The following SNTB1 variants were observed in gnomAD, a reference collection of about 807,000 sequenced individuals.
SNTB1 encodes beta-1-syntrophin.
In SNTB1, 36 loss-of-function variants were observed where a neutral mutation model predicts 48.9. That is an observed-to-expected ratio of 0.74 (90% CI 0.56 to 0.97). SNTB1 has a LOEUF of 0.97. Ranked by LOEUF, SNTB1 falls within the 50% of genes least tolerant of loss-of-function variation. The pLI is 0.00. For synonymous variants in SNTB1, 299 were observed against 294.6 expected (o/e 1.01, Z -0.15); for missense variants, 786 against 703.4 (o/e 1.12, Z -1.33).
intron 1 of SNTB1, among the ~76,000 whole-genome samples, chr8:120,805,475 G>A (rs1820320490): frequency 6.6e-6 from 1 of 152,020 alleles, no homozygotes; most frequent in Non-Finnish European, 1.5e-5. Flanking sequence ...CGCCATTGCA[G>A]GCTTTCAAAA....
intron 3 of SNTB1, among the ~76,000 whole-genome samples, chr8:120,576,694 C>G (rs1016900130): frequency 1.3e-5 from 2 of 152,124 alleles, no homozygotes; most frequent in Non-Finnish European, 2.9e-5. Flanking sequence ...TTTGTGTTAC[C>G]CAGTTTACTA....
intron 2 of SNTB1, among the ~76,000 whole-genome samples, chr8:120,648,890 T>G (rs1193280072): frequency 6.6e-6 from 1 of 152,084 alleles, no homozygotes; most frequent in East Asian, 1.9e-4. Context: ...TTCTCTAAAC[T>G]TCCCTTCTTG....
At chr8:120,787,420 A>T (rs939656652) in intron 1 of SNTB1, among the ~76,000 whole-genome samples, 2 of 152,142 alleles carry the variant, frequency 1.3e-5, no homozygotes, top group Non-Finnish European at 2.9e-5. Flanking sequence ...CAAAAGGTTG[A>T]TTATTAAGTC....
chr8:120,776,003 G>A (rs796621129), intron 1 of SNTB1, among the ~76,000 whole-genome samples: 28 of 152,300 alleles, frequency 1.8e-4, no homozygotes, highest in African/African-American at 6.3e-4. Flanking sequence ...CTGTAAACTA[G>A]TTCAACCATT....
intron 2 of SNTB1, among the ~76,000 whole-genome samples, chr8:120,641,737 A>C (rs944024600): frequency 2.0e-5 from 3 of 152,260 alleles, no homozygotes; most frequent in Non-Finnish European, 4.4e-5. Context: ...ACTGTCACTC[A>C]GATCAAGAAA....
chr8:120,541,778 A>G, intron 6 of SNTB1, 32 bp downstream of exon 6: 1 of 1,496,442 alleles, frequency 6.7e-7, no homozygotes, highest in East Asian at 2.3e-5. Context: ...TTAATATATG[A>G]AATCACACTG....
At chr8:120,734,358 G>A (rs1249254274) in intron 1 of SNTB1, among the ~76,000 whole-genome samples, 1 of 150,966 alleles carries the variant, frequency 6.6e-6, no homozygotes, top group Non-Finnish European at 1.5e-5. Context: ...GAGGCAGGAG[G>A]ATTGCTTGAA....
chr8:120,577,256 C>T (rs915290481), intron 3 of SNTB1, among the ~76,000 whole-genome samples: 2 of 152,180 alleles, frequency 1.3e-5, no homozygotes, highest in African/African-American at 4.8e-5. Flanking sequence ...AGTGCCCTCC[C>T]CGACTCCGCT....
chr8:120,685,832 C>T (rs1818021589), intron 2 of SNTB1, among the ~76,000 whole-genome samples: 1 of 152,168 alleles, frequency 6.6e-6, no homozygotes, highest in African/African-American at 2.4e-5. Flanking sequence ...AGAAGCCATG[C>T]CACACCCTCA....
intron 1 of SNTB1, among the ~76,000 whole-genome samples, chr8:120,808,910 A>G (rs907986084): frequency 2.6e-5 from 4 of 152,246 alleles, no homozygotes; most frequent in African/African-American, 9.6e-5. Flanking sequence ...TTTAAAAAAA[A>G]GGGTGCACTT....
At chr8:120,621,854 C>G (rs920057970) in intron 3 of SNTB1, among the ~76,000 whole-genome samples, 13 of 152,052 alleles carry the variant, frequency 8.5e-5, no homozygotes, top group Non-Finnish European at 1.6e-4. Context: ...AGACCAAGTG[C>G]CTGGGTTTCC....
rs112561790 is a variant in SNTB1 at position 120,722,992 on chromosome 8, T to C, written c.572-29084A>G. ...GGTTTCTACATATGGCTAGACAGTTTTCCCAGCATCATTTATTTAATAGGG... is the reference window on the plus strand; with the variant it reads ...GGTTTCTACATATGGCTAGACAGTTCTCCCAGCATCATTTATTTAATAGGG... On this transcript the variant is annotated intron_variant, in intron 1 of 6. Coordinates refer to ENST00000517992, the MANE Select transcript of SNTB1 (RefSeq NM_021021.4). 2.4e-3 allele frequency among the ~76,000 whole-genome samples: 361 copies of C among 152,294 alleles called. 4 individuals are homozygous for C. The highest frequency in any genetic ancestry group is 5.0e-3 in the South Asian group (24 of 4,828).
chr8:120,673,768 T>G (rs1320627813), intron 2 of SNTB1, among the ~76,000 whole-genome samples: 2 of 151,938 alleles, frequency 1.3e-5, no homozygotes, highest in East Asian at 3.9e-4. Flanking sequence ...CCAACCCCCA[T>G]GCCAACCTCT....
At position 120,811,513 on chromosome 8, in the gene SNTB1, G is replaced by C. The variant is rs769895413; in HGVS notation, c.331C>G (p.Arg111Gly). 3 of 1,613,202 alleles carry C rather than the reference G, an allele frequency of 1.9e-6. No homozygotes were observed. Among genetic ancestry groups the C allele is most frequent in the South Asian group, 1.1e-5 (1 of 90,958 alleles). Residue 111 changes from arginine (R) to glycine (G), a missense_variant, in exon 1 of 7, where the codon CGT becomes GGT. Coordinates refer to ENST00000517992, the MANE Select transcript of SNTB1 (RefSeq NM_021021.4). ...QVPESISNQK[R>G]GVKVLKQELG... ...TCCTGCTTCAGCACCTTCACGCCAC[G>C]CTTCTGGTTCGAGATGGACTCGGGC...
intron 1 of SNTB1, among the ~76,000 whole-genome samples, chr8:120,773,316 G>C (rs980847809): frequency 3.3e-5 from 5 of 152,146 alleles, no homozygotes; most frequent in African/African-American, 1.2e-4. Flanking sequence ...CCCAGAGTTT[G>C]GGACCAGCCT....
At chr8:120,625,336 T>C (rs1416422283) in intron 3 of SNTB1, among the ~76,000 whole-genome samples, 2 of 152,228 alleles carry the variant, frequency 1.3e-5, no homozygotes, top group Non-Finnish European at 2.9e-5. Flanking sequence ...TGAAGTTGTA[T>C]GAATCAGCCT....
At chr8:120,747,393 C>T (rs4871115) in intron 1 of SNTB1, among the ~76,000 whole-genome samples, 2 of 152,122 alleles carry the variant, frequency 1.3e-5, no homozygotes, top group African/African-American at 2.4e-5. Flanking sequence ...AGGGTTCAAG[C>T]GACTCTCATA....
At chr8:120,798,920 A>AGGCT (rs1820168854) in intron 1 of SNTB1, among the ~76,000 whole-genome samples, 1 of 152,056 alleles carries the variant, frequency 6.6e-6, no homozygotes, top group South Asian at 2.1e-4. Context: ...TCAACTCCAC[A>AGGCT]GGCTGCAGGT....
chr8:120,789,089 A>G (rs1819977104), intron 1 of SNTB1, among the ~76,000 whole-genome samples: 1 of 152,048 alleles, frequency 6.6e-6, no homozygotes, highest in Non-Finnish European at 1.5e-5. Context: ...TCCAAAAGTA[A>G]CCTTCAAACC....
Sources: allele counts gnomAD v4.1 joint callset (sites outside exome capture counted in the v4.1 genomes callset), GRCh38; gene constraint gnomAD v4.1.1; transcripts MANE v1.5; gene names NCBI Gene and HGNC (gene_info 2026-07-23, HGNC 2026-07-21).